PER2: variants seen among roughly 807,000 people sequenced by gnomAD.
PER2 encodes period circadian regulator 2.
In PER2, 66 loss-of-function variants were observed where a neutral mutation model predicts 121.0. The ratio of observed to expected loss-of-function variants is 0.55; its 90% CI spans 0.45 to 0.67. The LOEUF (loss-of-function observed/expected upper bound fraction) is 0.67. Ranked by LOEUF, PER2 falls within the 30% of genes least tolerant of loss-of-function variation. The probability of loss-of-function intolerance (pLI) is 0.00; values close to 1 mark genes in which losing one functional copy is unlikely to be tolerated. For missense variants in PER2, 1,521 were observed against 1,635.0 expected, an observed-to-expected ratio of 0.93 and a Z score of 1.20; for synonymous variants, 684 against 659.9, an observed-to-expected ratio of 1.04 and a Z score of -0.56.
chr2:238,284,459 A>T (rs1347292371), intron 1 of PER2, among the ~76,000 whole-genome samples: 2 of 150,606 alleles, frequency 1.3e-5, no homozygotes, highest in East Asian at 3.9e-4. Context: ...AAAAAAAAAG[A>T]GAGAGAAAAC....
chr2:238,260,727 G>A, intron 13 of PER2, 101 bp downstream of exon 13: 1 of 1,316,694 alleles, frequency 7.6e-7, no homozygotes, highest in Non-Finnish European at 1.1e-6. Context: ...CTGCAATCAG[G>A]AAGCCCCTCC....
intron 18 of PER2, chr2:238,254,102 C>T: frequency 3.8e-6 from 1 of 266,128 alleles, no homozygotes. Context: ...ACGGGAGAGC[C>T]ACTGACCTCC....
intron 6 of PER2, 50 bp downstream of exon 6, chr2:238,271,262 G>A (rs1696274159): frequency 6.5e-7 from 1 of 1,531,594 alleles, no homozygotes; most frequent in Admixed American, 1.7e-5. Context: ...CCAGCTCCTG[G>A]CCCCTTTCCC....
the PER2 span, among the ~76,000 whole-genome samples, chr2:238,298,191 C>T: frequency 7.2e-5 from 11 of 152,216 alleles, 1 homozygote; most frequent in South Asian, 1.0e-3. Flanking sequence ...CCCGCCACCA[C>T]GCCCGGCTAA....
At position 238,273,052 on chromosome 2, in the gene PER2, T is replaced by G; in HGVS notation, c.570+18A>C. The G allele has an allele frequency of 3.1e-6, 5 of 1,613,820 alleles. No homozygotes were observed. The highest frequency in any genetic ancestry group is 3.4e-6 in the Non-Finnish European group (4 of 1,179,770). On this transcript the variant is annotated intron_variant, in intron 5 of 22. Transcript: ENST00000254657. Reference sequence around the variant, plus strand: ...ACTCCTGCCATTTTAGAAAGAAACTTTGCGGAAAGAGGCTTACGGCATTCT... The same window carrying G: ...ACTCCTGCCATTTTAGAAAGAAACTGTGCGGAAAGAGGCTTACGGCATTCT...
chr2:238,258,409 A>C lies in PER2; in HGVS notation c.1776-9T>G. On this transcript the variant is annotated splice_polypyrimidine_tract_variant and intron_variant, in intron 15 of 22. Transcript: ENST00000254657. ...TGCAGCTCTCCAAGTACCTGTGTGAAAGGCATGAACCACTGGTGAGGCCAC... is the reference window on the plus strand; with the variant it reads ...TGCAGCTCTCCAAGTACCTGTGTGACAGGCATGAACCACTGGTGAGGCCAC... The C allele has an allele frequency of 2.5e-6, 4 of 1,614,140 alleles. No individual in the cohort carries two copies. The highest frequency in any genetic ancestry group is 3.4e-6 in the Non-Finnish European group (4 of 1,180,010).
At chr2:238,278,815 C>G (rs542012891) in intron 1 of PER2, among the ~76,000 whole-genome samples, 6 of 152,260 alleles carry the variant, frequency 3.9e-5, no homozygotes, top group African/African-American at 1.4e-4. Flanking sequence ...CAAGCATGTA[C>G]AAGTGGGATG....
intron 1 of PER2, among the ~76,000 whole-genome samples, chr2:238,286,704 C>T (rs1434295424): frequency 1.3e-5 from 2 of 152,226 alleles, no homozygotes; most frequent in Non-Finnish European, 2.9e-5. Context: ...TGTCTTTCTT[C>T]TGACTAAACG....
intron 1 of PER2, among the ~76,000 whole-genome samples, chr2:238,280,344 G>T (rs1036056414): frequency 2.0e-5 from 3 of 152,166 alleles, no homozygotes; most frequent in Non-Finnish European, 4.4e-5. Context: ...GAACAGCAGG[G>T]CCGACTAGAC....
chr2:238,251,213 C>T (rs1695588068), intron 20 of PER2, among the ~76,000 whole-genome samples: 1 of 152,232 alleles, frequency 6.6e-6, no homozygotes, highest in Non-Finnish European at 1.5e-5. Flanking sequence ...TTTCTGGTGC[C>T]TGAGATTCCA....
At chr2:238,291,899 G>A (rs923627138), upstream of PER2, among the ~76,000 whole-genome samples, 2 of 152,332 alleles carry the variant, frequency 1.3e-5, no homozygotes, top group African/African-American at 4.8e-5. Flanking sequence ...CCGGTATAAA[G>A]AAAGTATCTT....
Position 238,262,947 on chromosome 2 carries a change from C to T in PER2, c.1153+5G>A. 6.3e-7 allele frequency: 1 copy of T among 1,585,196 alleles called. No homozygotes were observed. Among genetic ancestry groups the T allele is most frequent in the African/African-American group, 1.3e-5 (1 of 74,406 alleles). Reference sequence around the variant, plus strand: ...TTCAGGATGTACCATGAAAAGGGGACCTACTCTTTTTGTGGATGGCCAGCA... The same window carrying T: ...TTCAGGATGTACCATGAAAAGGGGATCTACTCTTTTTGTGGATGGCCAGCA... On this transcript the variant is annotated splice_donor_5th_base_variant and intron_variant, in intron 10 of 22. Transcript: ENST00000254657.
chr2:238,294,317 A>C (rs2106340678), upstream of PER2, among the ~76,000 whole-genome samples: 2 of 152,278 alleles, frequency 1.3e-5, no homozygotes, highest in Non-Finnish European at 2.9e-5. Flanking sequence ...GGGGTAGCCC[A>C]GTTGGCACCT....
intron 1 of PER2, among the ~76,000 whole-genome samples, chr2:238,284,543 G>T (rs891589403): frequency 6.6e-6 from 1 of 152,078 alleles, no homozygotes; most frequent in Non-Finnish European, 1.5e-5. Context: ...AGCTGTCTCT[G>T]GCTTGTATTC....
At position 238,258,577 on chromosome 2, in the gene PER2, G is replaced by A. The variant is rs749729255; in HGVS notation, c.1695C>T (p.Val565=). 1 of 1,614,050 alleles carries A rather than the reference G, an allele frequency of 6.2e-7. No individual in the cohort carries two copies. Among genetic ancestry groups the A allele is most frequent in the East Asian group, 2.2e-5 (1 of 44,888 alleles). The part of the protein sequence containing the change: ...VPAMEKDSLG[V]SFPEELACKN... ...TGCAGGCCAACTCCTCGGGGAAGCT[G>A]ACCCCCAGGCTGTCCTTTTCCATGG... is the stretch of plus-strand genomic sequence containing the variant. The change falls in exon 15 of 23, where the codon GTC becomes GTT. Residue 565 remains valine (V), a synonymous_variant. Transcript: ENST00000254657.
upstream of PER2, among the ~76,000 whole-genome samples, chr2:238,290,726 T>C (rs902047712): frequency 2.6e-5 from 4 of 152,154 alleles, no homozygotes; most frequent in Non-Finnish European, 5.9e-5. Context: ...CACCTGAGTG[T>C]TGAGGGGCAT....
rs1310037962 is a variant in PER2 at position 238,252,620 on chromosome 2, A to G, written c.3111+292T>C. ...GCTTTATCTCTGAAGCGTCATTTAA[A>G]AAGTCGAAGCCCACAAATACTGTCA... is the stretch of plus-strand genomic sequence containing the variant. On this transcript the variant is annotated intron_variant, in intron 19 of 22. Coordinates refer to ENST00000254657, the MANE Select transcript of PER2 (RefSeq NM_022817.3). The surrounding 1 kb of genome is among the most constrained non-coding windows in gnomAD (Gnocchi z 4.2). 1.3e-5 allele frequency among the ~76,000 whole-genome samples: 2 copies of G among 152,238 alleles called. No individual in the cohort carries two copies. Among genetic ancestry groups the G allele is most frequent in the East Asian group, 1.9e-4 (1 of 5,198 alleles).
chr2:238,290,790 G>C (rs759319924), upstream of PER2, among the ~76,000 whole-genome samples: 5 of 152,126 alleles, frequency 3.3e-5, no homozygotes, highest in East Asian at 1.9e-4. Flanking sequence ...GATGTAGAAG[G>C]GGGGAGGAGG....
chr2:238,291,169 G>C (rs748662553), upstream of PER2, among the ~76,000 whole-genome samples: 1 of 152,214 alleles, frequency 6.6e-6, no homozygotes, highest in African/African-American at 2.4e-5. Context: ...AGGTGGAGTG[G>C]TAAGCCAGGG....
Sources: allele counts gnomAD v4.1 joint callset (sites outside exome capture counted in the v4.1 genomes callset), GRCh38; gene constraint gnomAD v4.1.1; non-coding constraint Gnocchi (gnomAD v3.1); transcripts MANE v1.5; gene names NCBI Gene and HGNC (gene_info 2026-07-23, HGNC 2026-07-21).